The following TSC1 variants were observed in gnomAD, a reference collection of about 807,000 sequenced individuals.
The protein encoded by TSC1 is hamartin.
In TSC1, 20 loss-of-function variants were observed where a neutral mutation model predicts 124.3. The observed-to-expected ratio is 0.16, with a 90% confidence interval of 0.11 to 0.23. The LOEUF (loss-of-function observed/expected upper bound fraction) is 0.23, where lower values mean the gene tolerates loss of function less well. Among genes scored for constraint, TSC1 ranks in the 10% least tolerant of loss-of-function variants. The pLI is 1.00. For missense variants in TSC1, 1,124 were observed against 1,448.5 expected, an observed-to-expected ratio of 0.78 and a Z score of 3.64; for synonymous variants, 493 against 539.1, an observed-to-expected ratio of 0.91 and a Z score of 1.19.
chr9:132,928,465 T>C (rs143262140), intron 3 of TSC1, among the ~76,000 whole-genome samples: 16 of 152,332 alleles, frequency 1.1e-4, no homozygotes, highest in Admixed American at 5.9e-4. Context: ...AAACCACATA[T>C]ATGATTTACA....
rs553762962 is a variant in TSC1 at position 132,905,575 on chromosome 9, C to T, written c.1997+6G>A. ...TAACACAGAAGAGAGTGCCCCAGTC[C>T]CTTACTTGTTCAGCTCCTTGCTGTG... On this transcript the variant is annotated splice_donor_region_variant and intron_variant, in intron 15 of 22. Transcript: ENST00000298552. The T allele has an allele frequency of 6.2e-7, 1 of 1,613,836 alleles. No homozygotes were observed. Among genetic ancestry groups the T allele is most frequent in the Non-Finnish European group, 8.5e-7 (1 of 1,180,024 alleles).
Position 132,927,298 on chromosome 9 carries a change from C to T in TSC1, c.113G>A (p.Gly38Asp), listed in dbSNP as rs2132271039. 1 of 1,613,590 alleles carries T rather than the reference C, an allele frequency of 6.2e-7. No homozygotes were observed. Among genetic ancestry groups the T allele is most frequent in the Non-Finnish European group, 8.5e-7 (1 of 1,179,758 alleles). The change falls in exon 4 of 23, where the codon GGC becomes GAC. Residue 38 changes from glycine to aspartate, a missense_variant. Gly to Asp is a moderately conservative substitution (Grantham distance 94). Around this residue, in one of 5 missense-constraint regions of TSC1, gnomAD observed 463 missense variants for 606.8 expected, o/e 0.76. Transcript: ENST00000298552. Reference protein sequence around the residue: ...VFKENLNSDRGPMLVNTLVDY... With the variant: ...VFKENLNSDRDPMLVNTLVDY... Reference sequence around the variant, plus strand: ...CACCAAGGTGTTTACAAGCATAGGGCCACGGTCTAAATCAAGAAAAGGGCA... The same window carrying T: ...CACCAAGGTGTTTACAAGCATAGGGTCACGGTCTAAATCAAGAAAAGGGCA...
Position 132,921,784 on chromosome 9 carries a change from AC to A in TSC1, c.663+34del, listed in dbSNP as rs1169121872. Reference sequence around the variant, plus strand: ...TAAATGCAGCCTATCTAAACAGTATACTAAGTAGCAAACAAACAAGCAGTTT... The same window carrying A: ...TAAATGCAGCCTATCTAAACAGTATATAAGTAGCAAACAAACAAGCAGTTT... On this transcript the variant is annotated intron_variant, in intron 7 of 22. Transcript: ENST00000298552. This position sits in a 1 kb window ranked among gnomAD's most constrained non-coding sequence, Gnocchi z 4.3. The A allele has an allele frequency of 2.5e-6, 4 of 1,613,090 alleles. No homozygotes were observed. Among genetic ancestry groups the A allele is most frequent in the Non-Finnish European group, 3.4e-6 (4 of 1,179,354 alleles).
chr9:132,910,148 A>C (rs1845868633), intron 12 of TSC1: 2 of 277,116 alleles, frequency 7.2e-6, no homozygotes, highest in Non-Finnish European at 1.4e-5. Context: ...AAAAAAAAAA[A>C]AACTTAGCCA....
chr9:132,901,902 A>G (rs2131716232), intron 18 of TSC1: 1 of 568,550 alleles, frequency 1.8e-6, no homozygotes, highest in South Asian at 2.2e-5. Context: ...AAAAGAAAAA[A>G]AGAGACCTTA....
In TSC1 at chr9:132,900,755, T is replaced by A; in HGVS notation, c.2585A>T (p.Tyr862Phe). 1 of 1,614,190 alleles carries A rather than the reference T, an allele frequency of 6.2e-7. No individual in the cohort carries two copies. Among genetic ancestry groups the A allele is most frequent in the Non-Finnish European group, 8.5e-7 (1 of 1,180,036 alleles). ...LLVLGEVNELYLEQLQNKHSD... is the reference protein window; with the variant it reads ...LLVLGEVNELFLEQLQNKHSD... The stretch of plus-strand genomic sequence containing the variant: ...GTGCTTGTTCTGCAGTTGTTCCAAA[T>A]AGAGCTCGTTGACCTCCCCAAGAAC... Residue 862 changes from tyrosine (Y) to phenylalanine (F), a missense_variant, in exon 20 of 23, where the codon TAT becomes TTT. Coordinates refer to ENST00000298552, the MANE Select transcript of TSC1 (RefSeq NM_000368.5).
At chr9:132,930,587 CAAA>C (rs58163733) in intron 2 of TSC1, among the ~76,000 whole-genome samples, 3 of 45,248 alleles carry the variant, frequency 6.6e-5, no homozygotes, top group South Asian at 1.3e-3. Context: ...GACTCTGCCT[CAAA>C]AAAAAAAAAA....
chr9:132,909,795 A>G (rs1845847608), intron 12 of TSC1: 1 of 152,346 alleles, frequency 6.6e-6, no homozygotes, highest in Non-Finnish European at 1.5e-5. Context: ...TGCTTAATAC[A>G]GAACACTCAA....
At chr9:132,901,805 G>A (rs905750774) in intron 18 of TSC1, 106 bp from the exon 19 acceptor site, 24 of 927,118 alleles carry the variant, frequency 2.6e-5, no homozygotes, top group African/African-American at 9.9e-5. Flanking sequence ...TTAGCTCAAC[G>A]GCTCTACTTT....
chr9:132,904,043 T>C (rs919175464), intron 16 of TSC1, among the ~76,000 whole-genome samples: 7 of 152,086 alleles, frequency 4.6e-5, no homozygotes, highest in Admixed American at 1.3e-4. Context: ...GGATGACTCT[T>C]TGAGAGCCTG....
At chr9:132,904,197 T>G (rs1031013063) in intron 16 of TSC1, among the ~76,000 whole-genome samples, 1 of 152,198 alleles carries the variant, frequency 6.6e-6, no homozygotes, top group Non-Finnish European at 1.5e-5. Flanking sequence ...TATTTTGCAC[T>G]TATACTCTCA....
rs1459280532 is a variant in TSC1, at chr9:132,912,419, C to T, written c.776G>A (p.Cys259Tyr). The stretch of plus-strand genomic sequence containing the variant: ...TGTGGGATCCAGAGAGATTTTGGCA[C>T]ACTCGATCACAACATCATGAGTTTC... ...RLETHDVVIECAKISLDPTEA... is the reference protein window; with the variant it reads ...RLETHDVVIEYAKISLDPTEA... Residue 259 changes from cysteine to tyrosine, a missense_variant, in exon 9 of 23, where the codon TGT becomes TAT. Physicochemically the swap from Cys to Tyr is radical, Grantham distance 194. Around this residue, in one of 5 missense-constraint regions of TSC1, gnomAD observed 463 missense variants for 606.8 expected, o/e 0.76. Transcript: ENST00000298552. The T allele has an allele frequency of 6.2e-7, 1 of 1,614,138 alleles. No homozygotes were observed. Among genetic ancestry groups the T allele is most frequent in the Admixed American group, 1.7e-5 (1 of 60,020 alleles).
intron 3 of TSC1, among the ~76,000 whole-genome samples, chr9:132,928,066 T>C (rs1846987101): frequency 1.3e-5 from 2 of 152,154 alleles, no homozygotes; most frequent in African/African-American, 4.8e-5. Flanking sequence ...GTGTGTGTTT[T>C]TTCCACTGAA....
At chr9:132,898,570 G>A (rs1216165972) in intron 20 of TSC1, among the ~76,000 whole-genome samples, 5 of 152,166 alleles carry the variant, frequency 3.3e-5, no homozygotes, top group African/African-American at 7.2e-5. Flanking sequence ...CGGATAATGC[G>A]GCTGTTCCAG....
Position 132,921,401 on chromosome 9 carries a change from T to A in TSC1, c.699A>T (p.Leu233Phe). The A allele has an allele frequency of 6.2e-7, 1 of 1,614,202 alleles. No homozygotes were observed. Among genetic ancestry groups the A allele is most frequent in the Non-Finnish European group, 8.5e-7 (1 of 1,180,014 alleles). The change falls in exon 8 of 23, where the codon TTA (leucine) becomes TTT (phenylalanine). Residue 233 changes from leucine to phenylalanine, a missense_variant. Physicochemically the swap from Leu to Phe is conservative, Grantham distance 22. This residue lies in a region of TSC1 where 463 missense variants were observed against 606.8 expected (regional missense o/e 0.76). Transcript: ENST00000298552. This position sits in a 1 kb window ranked among gnomAD's most constrained non-coding sequence, Gnocchi z 4.3. ...MMEHVRIHPELVTGSKDHELD... is the reference protein window; with the variant it reads ...MMEHVRIHPEFVTGSKDHELD... ...GTTCATGGTCCTTGGATCCAGTCAC[T>A]AATTCCGGATGAATTCGCACATGCT...
Position 132,904,395 on chromosome 9 carries a change from A to C in TSC1, c.2041+16T>G, listed in dbSNP as rs754045538. On this transcript the variant is annotated intron_variant, in intron 16 of 22. Transcript: ENST00000298552. ...AACCATGTGGGCTGGATTTGGAGCT[A>C]AAGTAACAACTTTACCTCCAAAGTG... 1 of 1,613,752 alleles carries C rather than the reference A, an allele frequency of 6.2e-7. No homozygotes were observed. The highest frequency in any genetic ancestry group is 8.5e-7 in the Non-Finnish European group (1 of 1,179,884).
chr9:132,922,805 G>A (rs1212856755), intron 6 of TSC1, among the ~76,000 whole-genome samples: 1 of 151,758 alleles, frequency 6.6e-6, no homozygotes, highest in Non-Finnish European at 1.5e-5. Flanking sequence ...ATAACCCAAA[G>A]ATTCCAAATT....
chr9:132,940,563 T>C (rs1847680958), intron 1 of TSC1, among the ~76,000 whole-genome samples: 1 of 152,160 alleles, frequency 6.6e-6, no homozygotes, highest in South Asian at 2.1e-4. Context: ...GAAGACTAAA[T>C]GTTTGGGCTG....
rs1060503220 is a variant in TSC1 at position 132,897,178 on chromosome 9, T to A, written c.2975+6A>T. The A allele has an allele frequency of 6.2e-7, 1 of 1,613,960 alleles. No homozygotes were observed. Among genetic ancestry groups the A allele is most frequent in the Non-Finnish European group, 8.5e-7 (1 of 1,180,050 alleles). On this transcript the variant is annotated splice_donor_region_variant and intron_variant, in intron 22 of 22. Transcript: ENST00000298552. The stretch of plus-strand genomic sequence containing the variant: ...CCAAGGTCATGAATCAGTTCTTTGT[T>A]CCTACCTTTCTTCTGCTGCTTCAGC...
Sources: gnomAD v4.1 joint callset for allele counts (sites outside exome capture counted in the v4.1 genomes callset) on GRCh38, gnomAD v4.1.1 for gene constraint, gnomAD v4.1.1 regional missense constraint, Gnocchi (gnomAD v3.1) non-coding constraint, MANE v1.5 for transcripts, NCBI Gene and HGNC (gene_info 2026-07-23, HGNC 2026-07-21) for gene names.